Variants in PNMA6E observed in about 807,000 individuals in gnomAD.
PNMA6E encodes paraneoplastic antigen Ma6E.
For missense variants in PNMA6E, 78 were observed against 50.8 expected, an observed-to-expected ratio of 1.53 and a Z score of -1.63; for synonymous variants, 43 against 17.1, an observed-to-expected ratio of 2.52 and a Z score of -3.74.
the PNMA6E span, among the ~76,000 whole-genome samples, chrX:153,408,054 A>C: frequency 3.6e-5 from 4 of 112,579 alleles, no homozygotes; most frequent in South Asian, 1.5e-3. Context: ...GGGGCACCAT[A>C]AGGATAGCTG....
At chrX:153,411,458 G>A in the PNMA6E span, among the ~76,000 whole-genome samples, 6 of 111,189 alleles carry the variant, frequency 5.4e-5, no homozygotes, top group South Asian at 1.1e-3. Context: ...CCACGCTGCC[G>A]CCGCCCCGGC....
chrX:153,405,472 G>A (rs1273045233), upstream of PNMA6E, among the ~76,000 whole-genome samples: 5 of 110,887 alleles, frequency 4.5e-5, no homozygotes, highest in African/African-American at 9.9e-5. Context: ...AGAAGGCAGC[G>A]TGTGTCTTGG....
chrX:153,410,908 A>G, the PNMA6E span, among the ~76,000 whole-genome samples: 1 of 112,128 alleles, frequency 8.9e-6, no homozygotes, highest in Admixed American at 9.4e-5. Context: ...TACCACGTGG[A>G]GCATGACCCT....
the PNMA6E span, among the ~76,000 whole-genome samples, chrX:153,413,083 T>C: frequency 9.0e-6 from 1 of 110,512 alleles, no homozygotes; most frequent in Non-Finnish European, 1.9e-5. Flanking sequence ...GACTAGGGCC[T>C]CGGGCCAAGG....
intron 1 of PNMA6E, among the ~76,000 whole-genome samples, chrX:153,400,403 G>A (rs782307716): frequency 2.7e-5 from 3 of 112,194 alleles, no homozygotes; most frequent in South Asian, 3.7e-4. Flanking sequence ...ACCGCACACC[G>A]GGGACAGTCC....
chrX:153,398,400 T>G lies in PNMA6E; in HGVS notation c.450A>C (p.Ala150=), dbSNP rs1602873409. The G allele has an allele frequency of 2.6e-6, 1 of 390,065 alleles. No individual in the cohort carries two copies. Among genetic ancestry groups the G allele is most frequent in the Non-Finnish European group, 4.4e-6 (1 of 228,031 alleles). The allele number at this position is 390,065 out of a possible 1,213,427, so 32.1% of individuals were successfully genotyped here. ...CACCTGCTGCTCCTGCCTCACCTGT[T>G]GCTCCTGCCTCACCTGTGCCTCCTG... ...GEAGGTGEAG[A]TGEAGAAGEA... Residue 150 remains alanine, a synonymous_variant, in exon 2 of 2, where the codon GCA becomes GCC. Coordinates refer to ENST00000445091, the MANE Select transcript of PNMA6E (RefSeq NM_001367770.1).
the PNMA6E span, among the ~76,000 whole-genome samples, chrX:153,412,367 C>A: frequency 8.9e-6 from 1 of 112,592 alleles, no homozygotes; most frequent in East Asian, 2.8e-4. Flanking sequence ...CCCACAGATA[C>A]CTCCTGAGCA....
chrX:153,405,176 T>C (rs915124818), upstream of PNMA6E, among the ~76,000 whole-genome samples: 1 of 112,392 alleles, frequency 8.9e-6, no homozygotes, highest in Non-Finnish European at 1.9e-5. Flanking sequence ...ACCTCCCAGC[T>C]AAGCCACCAG....
the PNMA6E span, among the ~76,000 whole-genome samples, chrX:153,410,420 C>T: frequency 8.9e-5 from 10 of 112,030 alleles, no homozygotes; most frequent in African/African-American, 1.9e-4. Flanking sequence ...GCCAGAGCCC[C>T]GGTGAAGGGA....
At chrX:153,401,732 G>A (rs1556971405), upstream of PNMA6E, among the ~76,000 whole-genome samples, 1 of 108,739 alleles carries the variant, frequency 9.2e-6, no homozygotes, top group African/African-American at 3.4e-5. Flanking sequence ...AAGATCCTAT[G>A]TTTTGTTTTG....
chrX:153,399,302 T>TTG (rs1491564279), intron 1 of PNMA6E, among the ~76,000 whole-genome samples: 1 of 79,611 alleles, frequency 1.3e-5, no homozygotes, highest in African/African-American at 4.4e-5. Context: ...TCATTCTCTC[T>TTG]TGTGTGTTGT....
chrX:153,409,629 A>T, the PNMA6E span, among the ~76,000 whole-genome samples: 1 of 112,591 alleles, frequency 8.9e-6, no homozygotes. Flanking sequence ...CGCCTCCACC[A>T]CCAATGTGTC....
upstream of PNMA6E, chrX:153,401,490 A>G (rs1162141884): frequency 9.0e-6 from 1 of 111,582 alleles, no homozygotes; most frequent in African/African-American, 3.3e-5. Context: ...GGGAGAGCAC[A>G]AGAGAGGAGC....
the PNMA6E span, among the ~76,000 whole-genome samples, chrX:153,409,400 A>T: frequency 1.9e-3 from 210 of 113,018 alleles, no homozygotes; most frequent in East Asian, 0.035. Flanking sequence ...CAGGGCCACA[A>T]TAAGGGGAGT....
chrX:153,410,951 T>G, the PNMA6E span, among the ~76,000 whole-genome samples: 1 of 111,670 alleles, frequency 9.0e-6, no homozygotes, highest in Non-Finnish European at 1.9e-5. Context: ...TGCGATCCCC[T>G]CCGGTAACCT....
upstream of PNMA6E, chrX:153,401,445 G>C (rs1367330242): frequency 2.7e-5 from 3 of 111,829 alleles, no homozygotes; most frequent in African/African-American, 9.8e-5. Flanking sequence ...GAAAGTTCCA[G>C]ACTGGTGTCG....
At chrX:153,409,396 C>T in the PNMA6E span, among the ~76,000 whole-genome samples, 391 of 112,902 alleles carry the variant, frequency 3.5e-3, no homozygotes, top group African/African-American at 0.012. Flanking sequence ...GCCTCAGGGC[C>T]ACAATAAGGG....
chrX:153,401,862 G>T (rs1457294360), upstream of PNMA6E, among the ~76,000 whole-genome samples: 2 of 71,694 alleles, frequency 2.8e-5, no homozygotes, highest in African/African-American at 1.1e-4. Flanking sequence ...TTTGAGACTC[G>T]CTCTGTTGCC....
chrX:153,402,321 A>C (rs1450224247), upstream of PNMA6E, among the ~76,000 whole-genome samples: 1 of 111,068 alleles, frequency 9.0e-6, no homozygotes, highest in Non-Finnish European at 1.9e-5. Flanking sequence ...ATTACCTTTT[A>C]TTTTACCTTT....
Sources: allele counts gnomAD v4.1 joint callset (sites outside exome capture counted in the v4.1 genomes callset), GRCh38; gene constraint gnomAD v4.1.1; transcripts MANE v1.5; gene names NCBI Gene and HGNC (gene_info 2026-07-23, HGNC 2026-07-21).